WDPCP: variants seen among roughly 807,000 people sequenced by gnomAD.
WDPCP encodes the protein WD repeat-containing and planar cell polarity effector protein fritz homolog.
WDPCP carries 71 observed loss-of-function variants against 93.1 expected under a neutral mutation model. The observed-to-expected ratio is 0.76, with a 90% CI of 0.63 to 0.93. The LOEUF (loss-of-function observed/expected upper bound fraction) is 0.93, where lower values mean the gene tolerates loss of function less well. WDPCP is among the 40% of genes least tolerant of loss of function. The pLI is 0.00. For synonymous variants in WDPCP, 315 were observed against 315.0 expected (o/e 1.00, Z 0.00); for missense variants, 844 against 887.4 (o/e 0.95, Z 0.62).
At chr2:63,642,948 C>T (rs982470862) in intron 3 of WDPCP, 23 of 152,184 alleles carry the variant, frequency 1.5e-4, no homozygotes, top group African/African-American at 5.3e-4. Flanking sequence ...ATGATACTAG[C>T]TGTGGGTCTG....
chr2:63,689,715 C>T (rs1668863785), intron 2 of WDPCP, among the ~76,000 whole-genome samples: 1 of 152,132 alleles, frequency 6.6e-6, no homozygotes, highest in South Asian at 2.1e-4. Context: ...CCTCATCATC[C>T]TCTCTTATTT....
At chr2:63,713,816 A>C (rs1001318015) in intron 2 of WDPCP, among the ~76,000 whole-genome samples, 2 of 152,228 alleles carry the variant, frequency 1.3e-5, no homozygotes, top group African/African-American at 4.8e-5. Flanking sequence ...GGTTAATTAT[A>C]GTAGGAACAT....
intron 1 of WDPCP, among the ~76,000 whole-genome samples, chr2:63,819,846 T>C (rs1575781909): frequency 6.6e-6 from 1 of 152,240 alleles, no homozygotes; most frequent in East Asian, 1.9e-4. Flanking sequence ...CAGGCCCCCT[T>C]TTCCTCTTAG....
intron 13 of WDPCP, among the ~76,000 whole-genome samples, chr2:63,263,893 C>T (rs1223288950): frequency 6.6e-6 from 1 of 152,126 alleles, no homozygotes; most frequent in Non-Finnish European, 1.5e-5. Context: ...CAGATATTAG[C>T]TAATCAAAAA....
At chr2:63,128,026 C>G (rs978049576) in intron 17 of WDPCP, among the ~76,000 whole-genome samples, 6 of 152,048 alleles carry the variant, frequency 3.9e-5, no homozygotes, top group African/African-American at 1.4e-4. Flanking sequence ...GTAATCCCAG[C>G]TACTCTGGAG....
chr2:63,278,158 G>C (rs1202176042), intron 13 of WDPCP, among the ~76,000 whole-genome samples: 1 of 152,182 alleles, frequency 6.6e-6, no homozygotes, highest in South Asian at 2.1e-4. Context: ...GCTCCTGTAT[G>C]ATCTTTAGGT....
chr2:63,656,421 T>C (rs1443241239), intron 2 of WDPCP, among the ~76,000 whole-genome samples: 13 of 152,126 alleles, frequency 8.5e-5, no homozygotes, highest in Admixed American at 6.5e-4. Flanking sequence ...GGCATTAGCA[T>C]TGGGAAGTGC....
chr2:63,552,560 T>C (rs1705760697), intron 1 of WDPCP, among the ~76,000 whole-genome samples: 1 of 152,158 alleles, frequency 6.6e-6, no homozygotes, highest in Admixed American at 6.5e-5. Flanking sequence ...AGGGGGTACA[T>C]GTGTGGGTTT....
At chr2:63,651,062 TAAATAAAGACA>T (rs1710103619) in intron 2 of WDPCP, among the ~76,000 whole-genome samples, 1 of 152,128 alleles carries the variant, frequency 6.6e-6, no homozygotes, top group African/African-American at 2.4e-5. Flanking sequence ...AAGACATTTA[TAAATAAAGACA>T]ACACCCTTGG....
At chr2:63,260,142 G>A (rs1681505788) in intron 13 of WDPCP, among the ~76,000 whole-genome samples, 1 of 152,184 alleles carries the variant, frequency 6.6e-6, no homozygotes, top group African/African-American at 2.4e-5. Flanking sequence ...GACATCTGGT[G>A]CAGATATGCA....
At chr2:63,722,118 G>C (rs1324407439) in intron 2 of WDPCP, among the ~76,000 whole-genome samples, 1 of 152,170 alleles carries the variant, frequency 6.6e-6, no homozygotes, top group Non-Finnish European at 1.5e-5. Context: ...GCCTCCCAAA[G>C]TGCCGAGATT....
chr2:63,466,773 T>C (rs186243823), intron 6 of WDPCP, among the ~76,000 whole-genome samples: 1 of 152,304 alleles, frequency 6.6e-6, no homozygotes, highest in Admixed American at 6.5e-5. Flanking sequence ...ACACATATGA[T>C]TAACTATAAC....
At chr2:63,831,769 T>C (rs12467289), upstream of WDPCP, among the ~76,000 whole-genome samples, 422 of 152,280 alleles carry the variant, frequency 2.8e-3, 2 homozygotes, top group Admixed American at 7.1e-3. Flanking sequence ...ACCAATCTTT[T>C]TTCATTTAAA....
chr2:63,342,807 A>G (rs1688938186), intron 12 of WDPCP, among the ~76,000 whole-genome samples: 1 of 152,212 alleles, frequency 6.6e-6, no homozygotes, highest in South Asian at 2.1e-4. Context: ...TTACCTATGT[A>G]GTTATCTTTA....
At chr2:63,431,573 AG>A (rs1696765194) in intron 9 of WDPCP, among the ~76,000 whole-genome samples, 1 of 151,924 alleles carries the variant, frequency 6.6e-6, no homozygotes. Flanking sequence ...AAAAAATTAA[AG>A]GAATATGCCT....
intron 2 of WDPCP, among the ~76,000 whole-genome samples, chr2:63,693,548 G>A (rs1297316088): frequency 2.0e-5 from 3 of 151,904 alleles, no homozygotes; most frequent in African/African-American, 7.3e-5. Context: ...AGGATTTGAG[G>A]GGACAAGGAG....
chr2:63,331,548 T>A (rs1455535305), intron 12 of WDPCP, among the ~76,000 whole-genome samples: 3 of 152,174 alleles, frequency 2.0e-5, no homozygotes, highest in Admixed American at 6.5e-5. Context: ...ATAATAAAAT[T>A]CACCACTTTA....
At chr2:63,644,215 G>C (rs1167896696) in intron 3 of WDPCP, among the ~76,000 whole-genome samples, 1 of 150,150 alleles carries the variant, frequency 6.7e-6, no homozygotes, top group Non-Finnish European at 1.5e-5. Flanking sequence ...CTCACAGAAT[G>C]AATGTGCAAG....
Position 63,513,206 on chromosome 2 carries a change from A to G in WDPCP, c.76-20266T>C, listed in dbSNP as rs1220912076. Among the ~76,000 whole-genome samples, 3 of 152,360 alleles carry G rather than the reference A, an allele frequency of 2.0e-5. No homozygotes were observed. In the East Asian group the frequency reaches 5.8e-4, roughly 29 times the overall value. On this transcript the variant is annotated intron_variant, in intron 1 of 17. Transcript: ENST00000272321. ...AAAGCACATTTAAAAAGTAAAGGCA[A>G]TTATTTACTGCAGAGAAAAAAGTTG...
Sources: gnomAD v4.1 joint callset for allele counts (sites outside exome capture counted in the v4.1 genomes callset) on GRCh38, gnomAD v4.1.1 for gene constraint, MANE v1.5 for transcripts, NCBI Gene and HGNC (gene_info 2026-07-23, HGNC 2026-07-21) for gene names.